The following CFAP221 variants were observed in gnomAD, a reference collection of about 807,000 sequenced individuals.
CFAP221 encodes the protein cilia- and flagella-associated protein 221.
Under a neutral mutation model 113.1 loss-of-function variants are expected in CFAP221, and 97 were observed. The observed-to-expected ratio is 0.86, with a 90% CI of 0.73 to 1.02. The LOEUF (loss-of-function observed/expected upper bound fraction) is 1.02. Among genes scored for constraint, CFAP221 ranks in the 50% least tolerant of loss-of-function variants. The probability of loss-of-function intolerance (pLI) is 0.00; values close to 1 mark genes in which losing one functional copy is unlikely to be tolerated. For missense variants in CFAP221, 1,025 were observed against 1,013.4 expected, an observed-to-expected ratio of 1.01 and a Z score of -0.16; for synonymous variants, 331 against 354.4, an observed-to-expected ratio of 0.93 and a Z score of 0.74.
chr2:119,602,554 T>C, intron 8 of CFAP221: 1 of 922,606 alleles, frequency 1.1e-6, no homozygotes, highest in African/African-American at 1.8e-5. Context: ...TATATCAAAA[T>C]ATGAACTCAC....
intron 5 of CFAP221, 85 bp downstream of exon 5, chr2:119,560,111 G>T: frequency 4.6e-6 from 5 of 1,089,364 alleles, no homozygotes; most frequent in Non-Finnish European, 4.0e-6. Flanking sequence ...AGAAAGAGAG[G>T]TGGAATGACC....
At chr2:119,569,646 G>T (rs1482102809) in intron 6 of CFAP221, among the ~76,000 whole-genome samples, 1 of 151,458 alleles carries the variant, frequency 6.6e-6, no homozygotes, top group Non-Finnish European at 1.5e-5. Context: ...TTTTGTAGTT[G>T]TCCCACAGTT....
chr2:119,581,923 GA>G (rs912642689), intron 6 of CFAP221, among the ~76,000 whole-genome samples: 3 of 150,694 alleles, frequency 2.0e-5, no homozygotes, highest in Middle Eastern at 3.4e-3. Flanking sequence ...AAATAAATAA[GA>G]AAAAAAAGAG....
At chr2:119,614,253 C>T (rs1685372933) in intron 13 of CFAP221, among the ~76,000 whole-genome samples, 1 of 152,220 alleles carries the variant, frequency 6.6e-6, no homozygotes, top group South Asian at 2.1e-4. Context: ...CCCACATTTT[C>T]CTTCTTCTGA....
intron 7 of CFAP221, among the ~76,000 whole-genome samples, chr2:119,596,747 A>G (rs542571295): frequency 3.9e-5 from 6 of 152,362 alleles, no homozygotes; most frequent in East Asian, 3.9e-4. Flanking sequence ...TTCATCTGCT[A>G]TGGCTGAGCA....
chr2:119,645,450 C>G (rs1415252313), intron 21 of CFAP221, among the ~76,000 whole-genome samples: 1 of 150,124 alleles, frequency 6.7e-6, no homozygotes, highest in East Asian at 1.9e-4. Flanking sequence ...TCCCTTCTGT[C>G]TTATACAAAA....
rs1686257452 is a variant in CFAP221, at chr2:119,625,666, A to G, written c.1494A>G (p.Gln498=). ...DKESILRKIG[Q]AKQSIAQEAN... is the part of the protein sequence containing the mutation. The stretch of plus-strand genomic sequence containing the variant: ...AGAGTATACTGAGAAAGATTGGCCA[A>G]GCAAAACAATCGATAGCACAAGGTG... Residue 498 remains glutamine, a synonymous_variant, in exon 15 of 24, where the codon CAA becomes CAG. Transcript: ENST00000413369. 6.2e-7 allele frequency: 1 copy of G among 1,611,478 alleles called. No homozygotes were observed. Among genetic ancestry groups the G allele is most frequent in the Non-Finnish European group, 8.5e-7 (1 of 1,177,532 alleles).
chr2:119,560,924 A>T (rs1452324405), intron 5 of CFAP221, among the ~76,000 whole-genome samples: 1 of 152,108 alleles, frequency 6.6e-6, no homozygotes, highest in Non-Finnish European at 1.5e-5. Context: ...TACCCACAAT[A>T]GTATTTTAGA....
chr2:119,553,133 G>A (rs1680543886), intron 3 of CFAP221, among the ~76,000 whole-genome samples: 2 of 152,218 alleles, frequency 1.3e-5, no homozygotes, highest in South Asian at 4.1e-4. Flanking sequence ...GGTGGCATGA[G>A]GAAGTCCAAA....
intron 23 of CFAP221, among the ~76,000 whole-genome samples, chr2:119,652,650 C>G (rs1688196321): frequency 6.6e-6 from 1 of 152,054 alleles, no homozygotes; most frequent in Non-Finnish European, 1.5e-5. Context: ...AAATTGGTTT[C>G]AAAAACACAG....
intron 2 of CFAP221, 88 bp from the exon 3 acceptor site, chr2:119,548,992 CTAAAT>C: frequency 1.2e-6 from 1 of 830,386 alleles, no homozygotes; most frequent in Middle Eastern, 3.6e-4. Flanking sequence ...TTAAAATGCC[CTAAAT>C]TAAAGAAAGC....
intron 3 of CFAP221, among the ~76,000 whole-genome samples, chr2:119,552,006 G>T (rs1258257849): frequency 1.3e-5 from 2 of 152,092 alleles, no homozygotes; most frequent in African/African-American, 4.8e-5. Flanking sequence ...TAATTAGCTT[G>T]CTAAGGGTCC....
chr2:119,627,190 C>T (rs1027019824), intron 15 of CFAP221, among the ~76,000 whole-genome samples: 1 of 152,076 alleles, frequency 6.6e-6, no homozygotes, highest in Non-Finnish European at 1.5e-5. Context: ...ACACTCCCGT[C>T]TGCCACTCCA....
chr2:119,656,312 G>A, intron 23 of CFAP221, 50 bp from the exon 24 acceptor site: 1 of 1,474,354 alleles, frequency 6.8e-7, no homozygotes, highest in South Asian at 1.1e-5. Flanking sequence ...TGATTTGCGT[G>A]GTTTTATTAA....
intron 3 of CFAP221, among the ~76,000 whole-genome samples, chr2:119,549,610 C>T (rs1332075091): frequency 6.6e-6 from 1 of 152,218 alleles, no homozygotes; most frequent in African/African-American, 2.4e-5. Flanking sequence ...AATTTGGCTC[C>T]TGGGCTGCCT....
intron 13 of CFAP221, among the ~76,000 whole-genome samples, chr2:119,612,753 C>G (rs938190000): frequency 5.9e-5 from 9 of 152,074 alleles, no homozygotes; most frequent in Non-Finnish European, 1.3e-4. Flanking sequence ...CACAGCCAAA[C>G]CATATCATTC....
chr2:119,613,862 A>G (rs557397379), intron 13 of CFAP221, among the ~76,000 whole-genome samples: 3 of 152,214 alleles, frequency 2.0e-5, no homozygotes, highest in Non-Finnish European at 4.4e-5. Flanking sequence ...TTACATCATC[A>G]TGCTGCTAAT....
At chr2:119,655,377 T>TA (rs1361055389) in intron 23 of CFAP221, among the ~76,000 whole-genome samples, 3 of 152,298 alleles carry the variant, frequency 2.0e-5, no homozygotes, top group East Asian at 3.9e-4. Context: ...GATCTATATA[T>TA]TTTTAGACAT....
chr2:119,548,687 G>A (rs1680213104), intron 2 of CFAP221, among the ~76,000 whole-genome samples: 1 of 152,196 alleles, frequency 6.6e-6, no homozygotes, highest in Non-Finnish European at 1.5e-5. Context: ...AGTGTGCGGT[G>A]TTTGGATACT....
Sources: gnomAD v4.1 joint callset for allele counts (sites outside exome capture counted in the v4.1 genomes callset) on GRCh38, gnomAD v4.1.1 for gene constraint, MANE v1.5 for transcripts, NCBI Gene and HGNC (gene_info 2026-07-23, HGNC 2026-07-21) for gene names.